KIAA1549: variants seen among roughly 807,000 people sequenced by gnomAD.
The protein encoded by KIAA1549 is UPF0606 protein KIAA1549.
In KIAA1549, 70 loss-of-function variants were observed where a neutral mutation model predicts 156.4. The ratio of observed to expected loss-of-function variants is 0.45; its 90% confidence interval spans 0.37 to 0.55. The LOEUF is 0.55. KIAA1549 is among the 20% of genes least tolerant of loss of function. KIAA1549 has a pLI of 0.00. For synonymous variants in KIAA1549, 1,103 were observed against 1,066.4 expected (o/e 1.03, Z -0.67); for missense variants, 2,428 against 2,540.9 (o/e 0.96, Z 0.96).
intron 1 of KIAA1549, among the ~76,000 whole-genome samples, chr7:138,944,425 A>C (rs540585007): frequency 1.3e-5 from 2 of 151,948 alleles, no homozygotes; most frequent in Admixed American, 6.6e-5. Flanking sequence ...GAAAATATAG[A>C]GAAATTGGAA....
intron 10 of KIAA1549, among the ~76,000 whole-genome samples, chr7:138,891,429 GT>G (rs376346146): frequency 1.7e-3 from 252 of 152,356 alleles, no homozygotes; most frequent in African/African-American, 5.8e-3. Flanking sequence ...CCGGGCTGGA[GT>G]TTTTTAGGCA....
rs945985216 is a variant in KIAA1549, at chr7:138,926,622, G to A, written c.188-7184C>T. On this transcript the variant is annotated intron_variant, in intron 1 of 19. Transcript: ENST00000422774. ...TTCTTCTAGTTCTCAGGTTGTCCTA[G>A]GCAGATTTTTAGTGCCGTTACAAAA... Among the ~76,000 whole-genome samples, 4 of 152,094 alleles carry A rather than the reference G, an allele frequency of 2.6e-5. No homozygotes were observed. The South Asian group carries it at 8.3e-4, about 32-fold the overall frequency.
At chr7:138,950,940 C>T (rs1813478343) in intron 1 of KIAA1549, among the ~76,000 whole-genome samples, 2 of 152,066 alleles carry the variant, frequency 1.3e-5, no homozygotes, top group Admixed American at 6.6e-5. Flanking sequence ...ATGAGGTCCC[C>T]GACCACCTCG....
At chr7:138,979,459 G>A (rs1814477947) in intron 1 of KIAA1549, among the ~76,000 whole-genome samples, 1 of 152,206 alleles carries the variant, frequency 6.6e-6, no homozygotes, top group South Asian at 2.1e-4. Flanking sequence ...CAAAGCCTTA[G>A]TTTCCTCATC....
chr7:138,835,863 G>C lies in KIAA1549; in HGVS notation c.*2043C>G, dbSNP rs1159190476. The C allele has an allele frequency of 4.5e-6, 1 of 220,854 alleles. No individual in the cohort carries two copies. Among genetic ancestry groups the C allele is most frequent in the African/African-American group, 2.2e-5 (1 of 44,636 alleles). The allele number at this position is 220,854 out of a possible 1,614,324, so 13.7% of individuals were successfully genotyped here. A position where few individuals can be genotyped will look rare whatever the true frequency, so the allele number is the denominator to read the frequency against. Reference sequence around the variant, plus strand: ...AGGATCGCCTGATAAGATGCTGCTGGTCCTTTGTTGAACGTCCTTGAGAGA... The same window carrying C: ...AGGATCGCCTGATAAGATGCTGCTGCTCCTTTGTTGAACGTCCTTGAGAGA... On this transcript the variant is annotated 3_prime_UTR_variant, in exon 20 of 20. Transcript: ENST00000422774.
chr7:138,960,430 T>G (rs1461197905), intron 1 of KIAA1549, among the ~76,000 whole-genome samples: 1 of 151,344 alleles, frequency 6.6e-6, no homozygotes, highest in Non-Finnish European at 1.5e-5. Context: ...TGCCTCAGCC[T>G]CCCAAGTAGC....
At chr7:138,952,915 A>T (rs1214488963) in intron 1 of KIAA1549, among the ~76,000 whole-genome samples, 4 of 152,218 alleles carry the variant, frequency 2.6e-5, no homozygotes, top group Admixed American at 2.6e-4. Context: ...GTGAGTCTAG[A>T]CTGAATATTC....
intron 1 of KIAA1549, among the ~76,000 whole-genome samples, chr7:138,927,922 C>CTT (rs1200610758): frequency 0.03 from 4,202 of 139,120 alleles, 87 homozygotes; most frequent in Admixed American, 0.043. Context: ...ATTGTCTTGT[C>CTT]TTTTTTTTTT....
rs2130457711 is a variant in KIAA1549 at position 138,906,910 on chromosome 7, T to C, written c.3460+9A>G. ...ACCTCCCCAGCATGTCCAAGAGGGC[T>C]GTACTCACGCTCTGCGATCTGCAGC... On this transcript the variant is annotated intron_variant, in intron 6 of 19. Transcript: ENST00000422774. 2 of 1,563,192 alleles carry C rather than the reference T, an allele frequency of 1.3e-6. No individual in the cohort carries two copies. Among genetic ancestry groups the C allele is most frequent in the Non-Finnish European group, 1.7e-6 (2 of 1,157,318 alleles).
At chr7:138,904,701 G>GA (rs11411016) in intron 7 of KIAA1549, among the ~76,000 whole-genome samples, 20,989 of 140,218 alleles carry the variant, frequency 0.15, 1,661 homozygotes, top group African/African-American at 0.2. Context: ...AACACTTTTA[G>GA]AAAAAAAAAA....
At position 138,917,084 on chromosome 7, in the gene KIAA1549, A is replaced by C; in HGVS notation, c.2542T>G (p.Ser848Ala). 1 of 1,608,992 alleles carries C rather than the reference A, an allele frequency of 6.2e-7. No individual in the cohort carries two copies. Among genetic ancestry groups the C allele is most frequent in the South Asian group, 1.1e-5 (1 of 90,010 alleles). ...LITDAYLPSG[S>A]SFVSEATPFP... is the part of the protein sequence containing the mutation. ...GGGGTTGCTTCAGAAACAAACGAGGATCCTGATGGCAGGTACGCGTCAGTG... is the reference window on the plus strand; with the variant it reads ...GGGGTTGCTTCAGAAACAAACGAGGCTCCTGATGGCAGGTACGCGTCAGTG... The change falls in exon 2 of 20, where the codon TCC becomes GCC. Residue 848 changes from serine to alanine, a missense_variant. By Grantham distance (99) the Ser-to-Ala change is moderately conservative (BLOSUM62 1). Transcript: ENST00000422774.
chr7:138,924,457 T>C (rs1302125602), intron 1 of KIAA1549, among the ~76,000 whole-genome samples: 1 of 152,020 alleles, frequency 6.6e-6, no homozygotes, highest in East Asian at 1.9e-4. Flanking sequence ...AGAGATAAAA[T>C]AACGAAGAAG....
At chr7:138,866,576 A>C (rs1338245739) in intron 15 of KIAA1549, among the ~76,000 whole-genome samples, 2 of 151,980 alleles carry the variant, frequency 1.3e-5, no homozygotes, top group Non-Finnish European at 2.9e-5. Context: ...CCTGGTATGG[A>C]GTTTAGGACG....
chr7:138,946,340 C>T (rs1212364731), intron 1 of KIAA1549, among the ~76,000 whole-genome samples: 2 of 152,124 alleles, frequency 1.3e-5, no homozygotes, highest in Non-Finnish European at 2.9e-5. Context: ...TGATTACTGA[C>T]CCTATTTAGA....
At chr7:138,846,911 C>T (rs139974362) in intron 17 of KIAA1549, among the ~76,000 whole-genome samples, 252 of 152,306 alleles carry the variant, frequency 1.7e-3, no homozygotes, top group African/African-American at 5.8e-3. Flanking sequence ...GAAACCCAGG[C>T]TACCTATGTA....
intron 1 of KIAA1549, among the ~76,000 whole-genome samples, chr7:138,977,374 A>C (rs1435009590): frequency 1.3e-5 from 2 of 152,264 alleles, no homozygotes; most frequent in Admixed American, 6.5e-5. Flanking sequence ...GTGCAGGTTA[A>C]AACAATGTAT....
chr7:138,849,040 T>A (rs1483730008), intron 17 of KIAA1549, among the ~76,000 whole-genome samples: 1 of 152,142 alleles, frequency 6.6e-6, no homozygotes, highest in Non-Finnish European at 1.5e-5. Flanking sequence ...GCCCCAAATT[T>A]ATTAACAAAA....
At chr7:138,898,331 A>C (rs1185486881) in intron 9 of KIAA1549, among the ~76,000 whole-genome samples, 2 of 151,814 alleles carry the variant, frequency 1.3e-5, no homozygotes, top group African/African-American at 4.8e-5. Context: ...AAAGCAAACA[A>C]ATCTGTGAGG....
intron 10 of KIAA1549, among the ~76,000 whole-genome samples, chr7:138,884,148 A>G (rs1240540695): frequency 1.3e-5 from 2 of 152,182 alleles, no homozygotes; most frequent in Admixed American, 6.5e-5. Context: ...GAAAAACGCA[A>G]AAGGGCAGGG....
Sources: gnomAD v4.1 joint callset for allele counts (sites outside exome capture counted in the v4.1 genomes callset) on GRCh38, gnomAD v4.1.1 for gene constraint, MANE v1.5 for transcripts, NCBI Gene and HGNC (gene_info 2026-07-23, HGNC 2026-07-21) for gene names.